The following NAV2 variants were observed in gnomAD, a reference collection of about 807,000 sequenced individuals.
The protein encoded by NAV2 is helicase, APC down-regulated 1.
A neutral mutation model predicts 223.2 loss-of-function variants in NAV2; 54 were observed. That is an observed-to-expected ratio of 0.24 (90% CI 0.19 to 0.30). NAV2 has a LOEUF of 0.30. Among genes scored for constraint, NAV2 ranks in the 10% least tolerant of loss-of-function variants. The pLI, the probability that NAV2 is intolerant of heterozygous loss-of-function variation, is 1.00. For missense variants in NAV2, 2,806 were observed against 3,147.5 expected, an observed-to-expected ratio of 0.89 and a Z score of 2.60; for synonymous variants, 1,279 against 1,239.3, an observed-to-expected ratio of 1.03 and a Z score of -0.67.
intron 1 of NAV2, among the ~76,000 whole-genome samples, chr11:19,493,191 T>C (rs12708340): frequency 0.48 from 72,832 of 150,816 alleles, 18,182 homozygotes; most frequent in Admixed American, 0.56. Flanking sequence ...CTCCTCCTAA[T>C]TGGTTCTTCC....
At chr11:19,598,562 T>C (rs527352194) in intron 1 of NAV2, among the ~76,000 whole-genome samples, 9 of 152,290 alleles carry the variant, frequency 5.9e-5, no homozygotes, top group Non-Finnish European at 8.8e-5. Context: ...TTCTAGGTGA[T>C]GTATATGTAT....
intron 1 of NAV2, among the ~76,000 whole-genome samples, chr11:19,731,728 G>A (rs1022097606): frequency 2.0e-5 from 3 of 152,182 alleles, no homozygotes; most frequent in Non-Finnish European, 2.9e-5. Flanking sequence ...TTAACCTCTT[G>A]AGCCTTGATT....
intron 1 of NAV2, among the ~76,000 whole-genome samples, chr11:19,519,194 G>A (rs980011538): frequency 1.2e-4 from 18 of 152,088 alleles, no homozygotes; most frequent in African/African-American, 1.9e-4. Context: ...TTCATAATTC[G>A]TTCCCAAAAT....
intron 1 of NAV2, among the ~76,000 whole-genome samples, chr11:19,370,411 A>G (rs1848431424): frequency 6.6e-6 from 1 of 152,226 alleles, no homozygotes; most frequent in Admixed American, 6.5e-5. Flanking sequence ...GACTTGTTCT[A>G]ATTACCTAGG....
At chr11:19,864,934 T>C (rs1021721121) in intron 3 of NAV2, among the ~76,000 whole-genome samples, 1 of 152,168 alleles carries the variant, frequency 6.6e-6, no homozygotes, top group Non-Finnish European at 1.5e-5. Context: ...CCCCAGCTAA[T>C]GCTGCAAATT....
At chr11:19,555,415 A>G (rs1232776559) in intron 1 of NAV2, among the ~76,000 whole-genome samples, 1 of 151,950 alleles carries the variant, frequency 6.6e-6, no homozygotes, top group Admixed American at 6.5e-5. Flanking sequence ...CGAACTAGCC[A>G]TAAACCAACA....
chr11:19,540,642 T>C (rs2044313865), intron 1 of NAV2, among the ~76,000 whole-genome samples: 1 of 152,212 alleles, frequency 6.6e-6, no homozygotes, highest in Admixed American at 6.5e-5. Context: ...TGTGTTTCCT[T>C]CAAGACACTC....
intron 1 of NAV2, among the ~76,000 whole-genome samples, chr11:19,662,966 G>A (rs1484614478): frequency 1.3e-5 from 2 of 152,206 alleles, no homozygotes; most frequent in African/African-American, 4.8e-5. Flanking sequence ...GAGGTCCAAA[G>A]CCCTCCCCAG....
intron 11 of NAV2, among the ~76,000 whole-genome samples, chr11:20,007,512 C>G (rs963472601): frequency 6.6e-6 from 1 of 152,192 alleles, no homozygotes; most frequent in East Asian, 1.9e-4. Flanking sequence ...AGAAACTGAT[C>G]TGCTTTTCTG....
intron 1 of NAV2, among the ~76,000 whole-genome samples, chr11:19,585,842 C>T (rs1339366269): frequency 6.6e-6 from 1 of 152,154 alleles, no homozygotes; most frequent in Non-Finnish European, 1.5e-5. Flanking sequence ...TTTGGTGAAC[C>T]TGACAATTAT....
chr11:19,487,525 G>A (rs1590312832), intron 1 of NAV2, among the ~76,000 whole-genome samples: 1 of 152,276 alleles, frequency 6.6e-6, no homozygotes, highest in Non-Finnish European at 1.5e-5. Context: ...GTTTCAAAAG[G>A]CTGTGACTTG....
chr11:20,066,566 T>G (rs981273637), intron 20 of NAV2, among the ~76,000 whole-genome samples: 1 of 152,240 alleles, frequency 6.6e-6, no homozygotes, highest in East Asian at 1.9e-4. Flanking sequence ...AGGGGACTTG[T>G]GGGCAGGATC....
chr11:19,805,784 C>G (rs550518137), intron 1 of NAV2, among the ~76,000 whole-genome samples: 1 of 152,202 alleles, frequency 6.6e-6, no homozygotes, highest in Non-Finnish European at 1.5e-5. Flanking sequence ...TACTTCTCAT[C>G]CCCGCAACAT....
intron 11 of NAV2, among the ~76,000 whole-genome samples, chr11:19,986,217 G>A (rs2050784131): frequency 1.3e-5 from 2 of 152,316 alleles, no homozygotes; most frequent in South Asian, 4.1e-4. Flanking sequence ...TGAAAAGATA[G>A]GTAGCACTTG....
intron 18 of NAV2, among the ~76,000 whole-genome samples, chr11:20,055,344 C>A (rs2058297157): frequency 6.6e-6 from 1 of 152,186 alleles, no homozygotes; most frequent in Non-Finnish European, 1.5e-5. Context: ...GATCTGTGTT[C>A]ATACTGTTCT....
At chr11:19,354,082 C>T (rs1008852985) in intron 1 of NAV2, among the ~76,000 whole-genome samples, 2 of 152,174 alleles carry the variant, frequency 1.3e-5, no homozygotes, top group Non-Finnish European at 1.5e-5. Context: ...TAGGATGTTT[C>T]CAGGTTTTTG....
chr11:20,102,036 T>A lies in NAV2; in HGVS notation c.6417+864T>A, dbSNP rs574769587. ...TCACTAGGTTGTTTGAGGCTGGGTA[T>A]CTGCACCATCTACAAGTTCCCCAAG... On this transcript the variant is annotated intron_variant, in intron 32 of 37. Coordinates refer to ENST00000349880, the MANE Select transcript of NAV2 (RefSeq NM_145117.5). 3.3e-5 allele frequency among the ~76,000 whole-genome samples: 5 copies of A among 152,302 alleles called. No individual in the cohort carries two copies. The South Asian group carries it at 1.0e-3, about 32-fold the overall frequency.
chr11:19,582,606 C>G (rs2045757600), intron 1 of NAV2, among the ~76,000 whole-genome samples: 1 of 152,172 alleles, frequency 6.6e-6, no homozygotes, highest in Admixed American at 6.5e-5. Context: ...TTCCCAGCAC[C>G]ATTTATTAAA....
chr11:20,117,952 AT>A (rs1321247966), intron 37 of NAV2, among the ~76,000 whole-genome samples, 180 bp from the exon 38 acceptor site: 2 of 152,184 alleles, frequency 1.3e-5, no homozygotes, highest in African/African-American at 4.8e-5. Flanking sequence ...GCAGCTAGTA[AT>A]TGGTGAAGCT....
Sources: gnomAD v4.1 joint callset for allele counts (sites outside exome capture counted in the v4.1 genomes callset) on GRCh38, gnomAD v4.1.1 for gene constraint, MANE v1.5 for transcripts, NCBI Gene and HGNC (gene_info 2026-07-23, HGNC 2026-07-21) for gene names.